Variants in FNDC3B observed in about 807,000 individuals in gnomAD.
FNDC3B encodes the protein fibronectin type III domain containing 3B.
Under a neutral mutation model 151.5 loss-of-function variants are expected in FNDC3B, and 12 were observed. The observed-to-expected ratio is 0.08, with a 90% CI of 0.05 to 0.13. The LOEUF (loss-of-function observed/expected upper bound fraction) is 0.13, where lower values mean the gene tolerates loss of function less well. Among genes scored for constraint, FNDC3B ranks in the 10% least tolerant of loss-of-function variants. The pLI, the probability that FNDC3B is intolerant of heterozygous loss-of-function variation, is 1.00. For synonymous variants in FNDC3B, 528 were observed against 549.0 expected, an observed-to-expected ratio of 0.96 and a Z score of 0.54; for missense variants, 1,214 against 1,505.3, an observed-to-expected ratio of 0.81 and a Z score of 3.20.
intron 1 of FNDC3B, among the ~76,000 whole-genome samples, chr3:172,062,765 CCCAT>C (rs1170840133): frequency 6.6e-6 from 1 of 152,054 alleles, no homozygotes; most frequent in African/African-American, 2.4e-5. Flanking sequence ...CATCCATCCA[CCCAT>C]CCATCCATCC....
intron 3 of FNDC3B, among the ~76,000 whole-genome samples, chr3:172,157,271 A>G (rs1174143678): frequency 6.6e-6 from 1 of 152,150 alleles, no homozygotes; most frequent in Non-Finnish European, 1.5e-5. Flanking sequence ...CCAAGATGGT[A>G]CCAAAGCTCC....
chr3:172,388,198 C>G (rs1357062993), intron 25 of FNDC3B, among the ~76,000 whole-genome samples: 1 of 152,196 alleles, frequency 6.6e-6, no homozygotes, highest in Non-Finnish European at 1.5e-5. Flanking sequence ...AAGCCTCCAG[C>G]AGCCGAGTAT....
intron 3 of FNDC3B, among the ~76,000 whole-genome samples, chr3:172,202,373 A>T (rs1243132618): frequency 6.6e-6 from 1 of 152,220 alleles, no homozygotes; most frequent in Non-Finnish European, 1.5e-5. Flanking sequence ...AGAAAAAGTA[A>T]GAATTTTATA....
chr3:172,087,590 G>T (rs770186320), intron 1 of FNDC3B, among the ~76,000 whole-genome samples: 13 of 151,606 alleles, frequency 8.6e-5, no homozygotes, highest in Non-Finnish European at 2.9e-5. Context: ...TGAAAAATAA[G>T]GGATGGAATA....
chr3:172,235,227 A>G (rs940300986), intron 4 of FNDC3B, among the ~76,000 whole-genome samples: 2 of 152,196 alleles, frequency 1.3e-5, no homozygotes, highest in Non-Finnish European at 2.9e-5. Flanking sequence ...TAATATTTCT[A>G]TAACACTGTA....
intron 2 of FNDC3B, among the ~76,000 whole-genome samples, chr3:172,129,459 T>C (rs1720962424): frequency 1.3e-5 from 2 of 152,204 alleles, no homozygotes; most frequent in Admixed American, 1.3e-4. Flanking sequence ...TTTTAATGAG[T>C]ATAAAACAGA....
At chr3:172,354,981 T>C (rs1349660511) in intron 22 of FNDC3B, among the ~76,000 whole-genome samples, 2 of 152,056 alleles carry the variant, frequency 1.3e-5, no homozygotes, top group South Asian at 2.1e-4. Context: ...AATGTACTAA[T>C]GCAAAAAAGC....
rs1553775862 is a variant in FNDC3B at position 172,231,878 on chromosome 3, C to CGTT, written c.264+4932_264+4934dup. On this transcript the variant is annotated intron_variant, in intron 4 of 25. Coordinates refer to ENST00000415807, the MANE Select transcript of FNDC3B (RefSeq NM_022763.4). ...TGTGCATTGTATGGTCTTTATTTAC[C>CGTT]GTTTTTTTTTTTTTTTTTTTGAGAT... Among the ~76,000 whole-genome samples the CGTT allele has an allele frequency of 5.4e-5, 6 of 111,930 alleles. No homozygotes were observed. The Admixed American group carries it at 5.7e-4, about 11-fold the overall frequency. 73.4% of individuals were successfully genotyped at this position (111,930 alleles called of 152,430 possible). A position where few individuals can be genotyped will look rare whatever the true frequency, so the allele number is the denominator to read the frequency against.
intron 1 of FNDC3B, among the ~76,000 whole-genome samples, chr3:172,042,008 A>G (rs77214105): frequency 6.6e-6 from 1 of 152,152 alleles, no homozygotes; most frequent in African/African-American, 2.4e-5. Context: ...TAAAAAAAAA[A>G]TCAGTCATTA....
At chr3:172,111,511 A>C (rs1414036190) in intron 1 of FNDC3B, among the ~76,000 whole-genome samples, 1 of 152,204 alleles carries the variant, frequency 6.6e-6, no homozygotes, top group African/African-American at 2.4e-5. Flanking sequence ...GTTTCTCCAA[A>C]TGGGTGTATA....
intron 11 of FNDC3B, among the ~76,000 whole-genome samples, chr3:172,322,813 G>A (rs772756641): frequency 2.6e-5 from 4 of 152,160 alleles, no homozygotes; most frequent in Non-Finnish European, 2.9e-5. Flanking sequence ...TACTCAGCCA[G>A]CCAGTGAGAC....
chr3:172,065,829 C>G (rs1030071409), intron 1 of FNDC3B, among the ~76,000 whole-genome samples: 1 of 152,088 alleles, frequency 6.6e-6, no homozygotes, highest in African/African-American at 2.4e-5. Flanking sequence ...CCACTTTATT[C>G]CTCTGCAAAG....
chr3:172,397,034 A>AT, intron 25 of FNDC3B, 130 bp from the exon 26 acceptor site: 1 of 677,892 alleles, frequency 1.5e-6, no homozygotes, highest in East Asian at 2.8e-5. Context: ...GTACATTTTT[A>AT]TATCATCTTT....
At chr3:172,344,027 C>T in intron 18 of FNDC3B, 59 bp from the exon 19 acceptor site, 1 of 1,497,494 alleles carries the variant, frequency 6.7e-7, no homozygotes, top group East Asian at 2.3e-5. Context: ...AAATCTGGTG[C>T]ACTTTGGTCA....
intron 23 of FNDC3B, among the ~76,000 whole-genome samples, chr3:172,363,564 T>G (rs1426181741): frequency 6.6e-6 from 1 of 152,200 alleles, no homozygotes; most frequent in Non-Finnish European, 1.5e-5. Flanking sequence ...GTAAAGGGAA[T>G]GGGAGATCAC....
chr3:172,053,404 C>T (rs1368066515), intron 1 of FNDC3B, among the ~76,000 whole-genome samples: 1 of 152,126 alleles, frequency 6.6e-6, no homozygotes, highest in Non-Finnish European at 1.5e-5. Context: ...TGTCTGTGTT[C>T]CCAGGTGGCT....
At chr3:172,096,858 A>G (rs1394158414) in intron 1 of FNDC3B, among the ~76,000 whole-genome samples, 1 of 152,102 alleles carries the variant, frequency 6.6e-6, no homozygotes, top group Non-Finnish European at 1.5e-5. Flanking sequence ...TACGGGCCAA[A>G]TATTTTTAAA....
intron 2 of FNDC3B, among the ~76,000 whole-genome samples, chr3:172,123,069 C>T (rs1278023406): frequency 1.3e-5 from 2 of 152,184 alleles, no homozygotes; most frequent in Admixed American, 1.3e-4. Flanking sequence ...TTTTGAGACT[C>T]ACTCTGTTCC....
At chr3:172,383,651 A>G (rs1334216832) in intron 25 of FNDC3B, among the ~76,000 whole-genome samples, 3 of 152,238 alleles carry the variant, frequency 2.0e-5, no homozygotes, top group Non-Finnish European at 4.4e-5. Flanking sequence ...TTGCTGGTCC[A>G]TGGACCATAA....
Sources: gnomAD v4.1 joint callset for allele counts (sites outside exome capture counted in the v4.1 genomes callset) on GRCh38, gnomAD v4.1.1 for gene constraint, MANE v1.5 for transcripts, NCBI Gene and HGNC (gene_info 2026-07-23, HGNC 2026-07-21) for gene names.